The following MCPH1 variants were observed in gnomAD, a reference collection of about 807,000 sequenced individuals.
MCPH1 encodes microcephalin 1.
MCPH1 carries 104 observed loss-of-function variants against 84.5 expected under a neutral mutation model. The ratio of observed to expected loss-of-function variants is 1.23; its 90% CI spans 1.05 to 1.45. The LOEUF is 1.45. Among genes scored for constraint, MCPH1 ranks in the 40% most tolerant of loss-of-function variants. The pLI is 0.00. For synonymous variants in MCPH1, 514 were observed against 366.8 expected (o/e 1.40, Z -4.58); for missense variants, 1,498 against 1,005.7 (o/e 1.49, Z -6.62).
intron 12 of MCPH1, among the ~76,000 whole-genome samples, chr8:6,573,385 G>A (rs1170349950): frequency 2.0e-5 from 3 of 152,088 alleles, no homozygotes; most frequent in Non-Finnish European, 4.4e-5. Flanking sequence ...GTGATCAATA[G>A]GCCTTCTAGA....
Position 6,474,159 on chromosome 8 carries a change from G to A in MCPH1, c.1936-3435G>A, listed in dbSNP as rs1033791828. The A allele has an allele frequency of 6.7e-6, 5 of 748,352 alleles. No homozygotes were observed. The African/African-American group carries it at 8.6e-5, about 13-fold the overall frequency. The allele number at this position is 748,352 out of a possible 1,614,324, so 46.4% of individuals were successfully genotyped here. A position where few individuals can be genotyped will look rare whatever the true frequency, so the allele number is the denominator to read the frequency against. On this transcript the variant is annotated intron_variant, in intron 9 of 13. Transcript: ENST00000344683. ...ACAATAACTCCACATTCTCTCATTT[G>A]GTTATCTAACTCATCAGCTACTCTG...
At chr8:6,546,625 G>A (rs1449917392) in intron 12 of MCPH1, among the ~76,000 whole-genome samples, 1 of 152,100 alleles carries the variant, frequency 6.6e-6, no homozygotes, top group Non-Finnish European at 1.5e-5. Context: ...ATTATTTGGA[G>A]CTAACCGCTT....
intron 12 of MCPH1, among the ~76,000 whole-genome samples, chr8:6,595,912 C>G (rs1426035483): frequency 6.6e-6 from 1 of 152,116 alleles, no homozygotes; most frequent in Non-Finnish European, 1.5e-5. Flanking sequence ...TTTCAGTTTA[C>G]AAAAAGGGAA....
At chr8:6,510,447 A>G (rs903507491) in intron 12 of MCPH1, among the ~76,000 whole-genome samples, 3 of 152,242 alleles carry the variant, frequency 2.0e-5, no homozygotes, top group African/African-American at 7.2e-5. Context: ...TTGGAATAAT[A>G]TAATTTCTAA....
chr8:6,447,092 C>A, intron 8 of MCPH1: 2 of 985,432 alleles, frequency 2.0e-6, no homozygotes, highest in Admixed American at 6.1e-5. Context: ...TGCCTTCATG[C>A]CATTACAGAC....
chr8:6,424,783 C>A (rs529862118), intron 3 of MCPH1, among the ~76,000 whole-genome samples: 2 of 152,360 alleles, frequency 1.3e-5, no homozygotes, highest in South Asian at 2.1e-4. Flanking sequence ...CACAGAAGTT[C>A]GCTCTCTGCT....
chr8:6,532,267 C>A, intron 12 of MCPH1: 1 of 1,590,212 alleles, frequency 6.3e-7, no homozygotes, highest in Non-Finnish European at 8.6e-7. Flanking sequence ...GAGGAAGCTC[C>A]TGACGCGACT....
In MCPH1 at chr8:6,434,263, G is replaced by A. The variant is rs557532189; in HGVS notation, c.322-1785G>A. Among the ~76,000 whole-genome samples the A allele has an allele frequency of 3.9e-4, 59 of 152,314 alleles. 1 individual carries two copies. Among genetic ancestry groups the A allele is most frequent in the African/African-American group, 1.4e-3 (59 of 41,564 alleles). On this transcript the variant is annotated intron_variant, in intron 4 of 13. Coordinates refer to ENST00000344683, the MANE Select transcript of MCPH1 (RefSeq NM_024596.5). ...CTGCACCGTACCTGAGAACCAGGAA[G>A]CGCAAGATGGAGTGTCTTCTTGTAT...
intron 3 of MCPH1, among the ~76,000 whole-genome samples, chr8:6,429,856 C>T (rs1197171279): frequency 1.3e-5 from 2 of 152,178 alleles, no homozygotes; most frequent in African/African-American, 4.8e-5. Context: ...CCCACGACCC[C>T]TCCCTCACAC....
intron 11 of MCPH1, among the ~76,000 whole-genome samples, chr8:6,495,995 C>G (rs1419830821): frequency 6.6e-6 from 1 of 152,088 alleles, no homozygotes; most frequent in African/African-American, 2.4e-5. Flanking sequence ...TTTCCAGGGA[C>G]TTGGGGGTTG....
At chr8:6,442,668 A>C (rs1301673993) in intron 7 of MCPH1, among the ~76,000 whole-genome samples, 2 of 152,212 alleles carry the variant, frequency 1.3e-5, no homozygotes, top group African/African-American at 4.8e-5. Context: ...TGGGAGCCCT[A>C]GTTCCACTTA....
At chr8:6,568,680 T>C (rs1343602880) in intron 12 of MCPH1, among the ~76,000 whole-genome samples, 1 of 152,166 alleles carries the variant, frequency 6.6e-6, no homozygotes, top group Admixed American at 6.5e-5. Flanking sequence ...TAAAGGCACA[T>C]TGCTGCCCTG....
rs146206268 is a variant in MCPH1, at chr8:6,509,583, A to ATAGT, written c.2214+9655_2214+9658dup. Among the ~76,000 whole-genome samples the ATAGT allele has an allele frequency of 7.2e-3, 1,100 of 152,342 alleles. 52 individuals are homozygous for ATAGT. The East Asian group carries it at 0.13, about 18-fold the overall frequency. Reference sequence around the variant, plus strand: ...TGTGGCTACATTTCCTCATGTCTGTATAGTAGGGTAATGTAATTAAACTTT... The same window carrying ATAGT: ...TGTGGCTACATTTCCTCATGTCTGTATAGTTAGTAGGGTAATGTAATTAAACTTT... On this transcript the variant is annotated intron_variant, in intron 12 of 13. Transcript: ENST00000344683.
rs74798679 is a variant in MCPH1, at chr8:6,482,429, A to G, written c.2136+1553A>G. Among the ~76,000 whole-genome samples, 478 of 152,336 alleles carry G rather than the reference A, an allele frequency of 3.1e-3. 4 individuals are homozygous for G. Among genetic ancestry groups the G allele is most frequent in the African/African-American group, 0.011 (448 of 41,576 alleles). On this transcript the variant is annotated intron_variant, in intron 11 of 13. Transcript: ENST00000344683. Reference sequence around the variant, plus strand: ...ACTGTGCCCCCTTTGGATAGGGTGGACTACTGTCTCTTTAATAACTCTAGC... The same window carrying G: ...ACTGTGCCCCCTTTGGATAGGGTGGGCTACTGTCTCTTTAATAACTCTAGC...
At chr8:6,511,558 A>T (rs1046718983) in intron 12 of MCPH1, among the ~76,000 whole-genome samples, 2 of 152,218 alleles carry the variant, frequency 1.3e-5, no homozygotes, top group Admixed American at 1.3e-4. Flanking sequence ...CTGGGAAAAA[A>T]AAATCCCTTA....
At chr8:6,410,948 G>T (rs1331185726) in intron 2 of MCPH1, among the ~76,000 whole-genome samples, 1 of 152,130 alleles carries the variant, frequency 6.6e-6, no homozygotes, top group Non-Finnish European at 1.5e-5. Context: ...AAAAAAGCCA[G>T]GTGTGGTGGC....
At chr8:6,464,999 G>GA (rs555185949) in intron 9 of MCPH1, among the ~76,000 whole-genome samples, 8,806 of 138,074 alleles carry the variant, frequency 0.064, 422 homozygotes, top group African/African-American at 0.15. Context: ...TTCCATCTCA[G>GA]AAAAAAAAAA....
Position 6,614,225 on chromosome 8 carries a change from G to A in MCPH1, c.2215-7229G>A, listed in dbSNP as rs557074809. Among the ~76,000 whole-genome samples the A allele has an allele frequency of 2.0e-5, 3 of 152,316 alleles. No individual in the cohort carries two copies. The East Asian group carries it at 5.8e-4, about 29-fold the overall frequency. The stretch of plus-strand genomic sequence containing the variant: ...GCACTAGGATATGGTTTTGGAGACG[G>A]TTGTGCAGAGCCAGGGCTTTCACCA... On this transcript the variant is annotated intron_variant, in intron 12 of 13. Transcript: ENST00000344683.
At chr8:6,575,098 G>A (rs765377244) in intron 12 of MCPH1, among the ~76,000 whole-genome samples, 7 of 152,146 alleles carry the variant, frequency 4.6e-5, no homozygotes, top group Non-Finnish European at 8.8e-5. Context: ...CACACATTCA[G>A]TTTAAATTGG....
Sources: allele counts gnomAD v4.1 joint callset (sites outside exome capture counted in the v4.1 genomes callset), GRCh38; gene constraint gnomAD v4.1.1; transcripts MANE v1.5; gene names NCBI Gene and HGNC (gene_info 2026-07-23, HGNC 2026-07-21).